Variants in ZNF703 observed in about 807,000 individuals in gnomAD.
The protein encoded by ZNF703 is zinc finger protein 703.
ZNF703 carries 18 observed loss-of-function variants against 30.7 expected under a neutral mutation model. The ratio of observed to expected loss-of-function variants is 0.59; its 90% CI spans 0.40 to 0.87. ZNF703 has a LOEUF of 0.87. Among genes scored for constraint, ZNF703 ranks in the 40% least tolerant of loss-of-function variants. The probability of loss-of-function intolerance (pLI) is 0.00; values close to 1 mark genes in which losing one functional copy is unlikely to be tolerated. For missense variants in ZNF703, 814 were observed against 847.8 expected (o/e 0.96, Z 0.50); for synonymous variants, 457 against 438.6 (o/e 1.04, Z -0.52).
At position 37,695,871 on chromosome 8, in the gene ZNF703, C is replaced by G. The variant is rs539122839; in HGVS notation, c.-109C>G. On this transcript the variant is annotated 5_prime_UTR_variant, in exon 1 of 2. Coordinates refer to ENST00000331569, the MANE Select transcript of ZNF703 (RefSeq NM_025069.3). ...GGGGAGGCGGCGAGGAGGCGCAGCT[C>G]CCGCTGCACCGCGATCGACGCTGCG... 2 of 1,083,384 alleles carry G rather than the reference C, an allele frequency of 1.8e-6. No individual in the cohort carries two copies. The highest frequency in any genetic ancestry group is 6.5e-5 in the East Asian group (2 of 30,976). The allele number at this position is 1,083,384 out of a possible 1,614,324, so 67.1% of individuals were successfully genotyped here. A position where few individuals can be genotyped will look rare whatever the true frequency, so the allele number is the denominator to read the frequency against.
At position 37,697,301 on chromosome 8, in the gene ZNF703, G is replaced by T. The variant is rs1426519307; in HGVS notation, c.400G>T (p.Ala134Ser). The T allele has an allele frequency of 3.2e-6, 5 of 1,563,506 alleles. No individual in the cohort carries two copies. Among genetic ancestry groups the T allele is most frequent in the Non-Finnish European group, 4.3e-6 (5 of 1,156,728 alleles). ...KDPGRSAPGAASAAAALKQLG... is the reference protein window; with the variant it reads ...KDPGRSAPGASSAAAALKQLG... ...CCCCGGCCGCTCAGCCCCGGGCGCC[G>T]CCTCCGCAGCCGCGGCCCTGAAGCA... The change falls in exon 2 of 2, where the codon GCC (alanine) becomes TCC (serine). Residue 134 changes from alanine to serine, a missense_variant. Transcript: ENST00000331569.
In ZNF703 at chr8:37,698,604, G is replaced by C; in HGVS notation, c.1703G>C (p.Gly568Ala). ...GLAVPSLPTA[G>A]PYYSPYALYG... ...GCCGTGCCGTCCCTCCCCACAGCCG[G>C]ACCCTACTATTCGCCATACGCGCTG... The change falls in exon 2 of 2, where the codon GGA (glycine) becomes GCA (alanine). Residue 568 changes from glycine (G) to alanine (A), a missense_variant. Physicochemically the swap from Gly to Ala is moderately conservative, Grantham distance 60. Transcript: ENST00000331569. The C allele has an allele frequency of 6.4e-7, 1 of 1,554,144 alleles. No individual in the cohort carries two copies. The highest frequency in any genetic ancestry group is 8.7e-7 in the Non-Finnish European group (1 of 1,153,506).
Position 37,698,198 on chromosome 8 carries a change from G to A in ZNF703, c.1297G>A (p.Ala433Thr), listed in dbSNP as rs1218622808. ...LQPAALSSSA[A>T]QAALPGHPLY... ...GCCCGCCGCGCTCTCGTCCAGCGCC[G>A]CCCAGGCCGCGCTCCCCGGCCACCC... Residue 433 changes from alanine to threonine, a missense_variant, in exon 2 of 2, where the codon GCC becomes ACC. Physicochemically the swap from Ala to Thr is moderately conservative, Grantham distance 58. Coordinates refer to ENST00000331569, the MANE Select transcript of ZNF703 (RefSeq NM_025069.3). 2.0e-6 allele frequency: 3 copies of A among 1,516,280 alleles called. No individual in the cohort carries two copies. Among genetic ancestry groups the A allele is most frequent in the Non-Finnish European group, 2.6e-6 (3 of 1,138,272 alleles). 93.9% of individuals were successfully genotyped at this position (1,516,280 alleles called of 1,614,324 possible). A position where few individuals can be genotyped will look rare whatever the true frequency, so the allele number is the denominator to read the frequency against.
Position 37,697,281 on chromosome 8 carries a change from G to A in ZNF703, c.380G>A (p.Gly127Asp). 2 of 1,569,318 alleles carry A rather than the reference G, an allele frequency of 1.3e-6. No individual in the cohort carries two copies. Among genetic ancestry groups the A allele is most frequent in the South Asian group, 1.2e-5 (1 of 86,344 alleles). ...ANGLGAEKDP[G>D]RSAPGAASAA... Reference sequence around the variant, plus strand: ...GGGCTGGGAGCGGAGAAGGACCCCGGCCGCTCAGCCCCGGGCGCCGCCTCC... The same window carrying A: ...GGGCTGGGAGCGGAGAAGGACCCCGACCGCTCAGCCCCGGGCGCCGCCTCC... The change falls in exon 2 of 2, where the codon GGC becomes GAC. Residue 127 changes from glycine to aspartate, a missense_variant. Physicochemically the swap from Gly to Asp is moderately conservative, Grantham distance 94. Transcript: ENST00000331569.
In ZNF703 at chr8:37,698,929, C is replaced by A. The variant is rs1025976177; in HGVS notation, c.*255C>A. 1.6e-5 allele frequency: 6 copies of A among 384,590 alleles called. No homozygotes were observed. The highest frequency in any genetic ancestry group is 2.3e-5 in the Non-Finnish European group (5 of 217,948). 23.8% of individuals were successfully genotyped at this position (384,590 alleles called of 1,614,324 possible). On this transcript the variant is annotated 3_prime_UTR_variant, in exon 2 of 2. Coordinates refer to ENST00000331569, the MANE Select transcript of ZNF703 (RefSeq NM_025069.3). ...GTTCTCCCAAATAATAATATTAATCCCACAAATAACGACATGATCCCCGCC... is the reference window on the plus strand; with the variant it reads ...GTTCTCCCAAATAATAATATTAATCACACAAATAACGACATGATCCCCGCC...
rs1802061242 is a variant in ZNF703 at position 37,696,011 on chromosome 8, G to A, written c.32G>A (p.Arg11Lys). The A allele has an allele frequency of 2.0e-6, 3 of 1,521,852 alleles. No individual in the cohort carries two copies. The highest frequency in any genetic ancestry group is 2.7e-6 in the Non-Finnish European group (3 of 1,129,980). The allele number at this position is 1,521,852 out of a possible 1,614,324, so 94.3% of individuals were successfully genotyped here. MSDSPAGSNP[R>K]TPESSGSGSG... ...GATTCGCCCGCTGGATCTAACCCAA[G>A]GACACCCGAAAGCAGCGGCAGCGGC... is the stretch of plus-strand genomic sequence containing the variant. The change falls in exon 1 of 2, where the codon AGG (arginine) becomes AAG (lysine). Residue 11 changes from arginine to lysine, a missense_variant. Transcript: ENST00000331569. The surrounding 1 kb of genome is among the most constrained non-coding windows in gnomAD (Gnocchi z 8.2).
intron 1 of ZNF703, 45 bp from the exon 2 acceptor site, chr8:37,697,100 C>CT: frequency 1.4e-6 from 2 of 1,467,458 alleles, no homozygotes; most frequent in Non-Finnish European, 1.8e-6. Context: ...CCGCAGGCCT[C>CT]TGAGTCTCAC....
In ZNF703 at chr8:37,697,588, T is replaced by A; in HGVS notation, c.687T>A (p.Ser229=). 2 of 1,437,800 alleles carry A rather than the reference T, an allele frequency of 1.4e-6. No individual in the cohort carries two copies. The highest frequency in any genetic ancestry group is 3.8e-4 in the Middle Eastern group (2 of 5,302). The allele number at this position is 1,437,800 out of a possible 1,614,324, so 89.1% of individuals were successfully genotyped here. A position where few individuals can be genotyped will look rare whatever the true frequency, so the allele number is the denominator to read the frequency against. ...CCCGCGGCGGCTCCCCGCACCACTC[T>A]GACTGCAAGAACGGCGGCGGGGTTG... ...GGSRGGSPHH[S]DCKNGGGVGG... Residue 229 remains serine, a synonymous_variant, in exon 2 of 2, where the codon TCT becomes TCA. Transcript: ENST00000331569.
chr8:37,698,029 C>T lies in ZNF703; in HGVS notation c.1128C>T (p.Cys376=). The T allele has an allele frequency of 1.3e-6, 2 of 1,571,572 alleles. No individual in the cohort carries two copies. Among genetic ancestry groups the T allele is most frequent in the Non-Finnish European group, 1.7e-6 (2 of 1,166,362 alleles). ...ASPPSFLQGL[C]RDPYCLGGYH... ...CGCCCTCCTTCCTGCAGGGATTATG[C>T]CGCGACCCCTATTGCTTGGGAGGTT... The change falls in exon 2 of 2, where the codon TGC becomes TGT. Residue 376 remains cysteine, a synonymous_variant. Coordinates refer to ENST00000331569, the MANE Select transcript of ZNF703 (RefSeq NM_025069.3).
chr8:37,696,362 G>A lies in ZNF703; in HGVS notation c.243+140G>A. 1 of 1,366,588 alleles carries A rather than the reference G, an allele frequency of 7.3e-7. No individual in the cohort carries two copies. Among genetic ancestry groups the A allele is most frequent in the Non-Finnish European group, 9.6e-7 (1 of 1,038,588 alleles). 84.7% of individuals were successfully genotyped at this position (1,366,588 alleles called of 1,614,324 possible). On this transcript the variant is annotated intron_variant, in intron 1 of 1. Coordinates refer to ENST00000331569, the MANE Select transcript of ZNF703 (RefSeq NM_025069.3). The surrounding 1 kb of genome is among the most constrained non-coding windows in gnomAD (Gnocchi z 8.2). ...CTGGCGGGCTGAGTGAGGAGGGGAA[G>A]AAAACCGAGGGATCAGAGCCCACCA...
Position 37,697,963 on chromosome 8 carries a change from G to A in ZNF703, c.1062G>A (p.Pro354=). 6 of 1,556,202 alleles carry A rather than the reference G, an allele frequency of 3.9e-6. No homozygotes were observed. The highest frequency in any genetic ancestry group is 4.3e-6 in the Non-Finnish European group (5 of 1,157,840). The change falls in exon 2 of 2, where the codon CCG becomes CCA. Residue 354 remains proline (P), a synonymous_variant. Coordinates refer to ENST00000331569, the MANE Select transcript of ZNF703 (RefSeq NM_025069.3). ...GQLSGGLGLP[P]GKPPSSSPLT... is the part of the protein sequence containing the mutation. ...TGTCTGGGGGCCTGGGCCTGCCGCCGGGCAAGCCCCCCAGCTCCAGCCCGC... is the reference window on the plus strand; with the variant it reads ...TGTCTGGGGGCCTGGGCCTGCCGCCAGGCAAGCCCCCCAGCTCCAGCCCGC...
rs557410822 is a variant in ZNF703 at position 37,697,452 on chromosome 8, C to T, written c.551C>T (p.Ser184Leu). The change falls in exon 2 of 2, where the codon TCG (serine) becomes TTG (leucine). Residue 184 changes from serine (S) to leucine (L), a missense_variant. Coordinates refer to ENST00000331569, the MANE Select transcript of ZNF703 (RefSeq NM_025069.3). ...SVSSTSSSSS[S>L]SPGDKAGFRV... ...TCTTCCACCTCCTCCTCGTCCTCCT[C>T]GTCCCCGGGAGACAAGGCGGGCTTC... 41 of 1,541,932 alleles carry T rather than the reference C, an allele frequency of 2.7e-5. No homozygotes were observed. In the Middle Eastern group the frequency reaches 5.0e-4, roughly 19 times the overall value.
chr8:37,696,009 A>T lies in ZNF703; in HGVS notation c.30A>T (p.Pro10=). 7.0e-7 allele frequency: 1 copy of T among 1,419,458 alleles called. No homozygotes were observed. Among genetic ancestry groups the T allele is most frequent in the South Asian group, 1.2e-5 (1 of 82,050 alleles). 87.9% of individuals were successfully genotyped at this position (1,419,458 alleles called of 1,614,324 possible). MSDSPAGSN[P]RTPESSGSGS... is the part of the protein sequence containing the mutation. ...GCGATTCGCCCGCTGGATCTAACCCAAGGACACCCGAAAGCAGCGGCAGCG... is the reference window on the plus strand; with the variant it reads ...GCGATTCGCCCGCTGGATCTAACCCTAGGACACCCGAAAGCAGCGGCAGCG... Residue 10 remains proline (P), a synonymous_variant, in exon 1 of 2, where the codon CCA becomes CCT. Coordinates refer to ENST00000331569, the MANE Select transcript of ZNF703 (RefSeq NM_025069.3). This position sits in a 1 kb window ranked among gnomAD's most constrained non-coding sequence, Gnocchi z 8.2.
At position 37,698,477 on chromosome 8, in the gene ZNF703, C is replaced by G; in HGVS notation, c.1576C>G (p.Pro526Ala). The G allele has an allele frequency of 6.6e-7, 1 of 1,522,846 alleles. No individual in the cohort carries two copies. Among genetic ancestry groups the G allele is most frequent in the East Asian group, 2.7e-5 (1 of 36,364 alleles). 94.3% of individuals were successfully genotyped at this position (1,522,846 alleles called of 1,614,324 possible). The change falls in exon 2 of 2, where the codon CCC becomes GCC. Residue 526 changes from proline (P) to alanine (A), a missense_variant. Physicochemically the swap from Pro to Ala is conservative, Grantham distance 27. Transcript: ENST00000331569. ...CHLHLPPPAAPGSPGSLSLRN... is the reference protein window; with the variant it reads ...CHLHLPPPAAAGSPGSLSLRN... The stretch of plus-strand genomic sequence containing the variant: ...TCTGCACCTCCCCCCGCCCGCCGCC[C>G]CCGGCAGCCCCGGGTCGCTGTCCTT...
At position 37,696,216 on chromosome 8, in the gene ZNF703, C is replaced by T; in HGVS notation, c.237C>T (p.Pro79=). 1 of 1,606,150 alleles carries T rather than the reference C, an allele frequency of 6.2e-7. No homozygotes were observed. Among genetic ancestry groups the T allele is most frequent in the Non-Finnish European group, 8.5e-7 (1 of 1,176,890 alleles). The change falls in exon 1 of 2, where the codon CCC becomes CCT. Residue 79 remains proline, a synonymous_variant. Coordinates refer to ENST00000331569, the MANE Select transcript of ZNF703 (RefSeq NM_025069.3). This position sits in a 1 kb window ranked among gnomAD's most constrained non-coding sequence, Gnocchi z 8.2. Reference sequence around the variant, plus strand: ...CGCTGTCCTCCACTCCCGTCAGCCCCATTGAGGTCAGTCCCCGGCCGCTGC... The same window carrying T: ...CGCTGTCCTCCACTCCCGTCAGCCCTATTGAGGTCAGTCCCCGGCCGCTGC... The part of the protein sequence containing the change: ...LQPLSSTPVS[P]IELDAKKSPL...
chr8:37,696,276 C>A lies in ZNF703; in HGVS notation c.243+54C>A. On this transcript the variant is annotated intron_variant, in intron 1 of 1. Coordinates refer to ENST00000331569, the MANE Select transcript of ZNF703 (RefSeq NM_025069.3). The surrounding 1 kb of genome is among the most constrained non-coding windows in gnomAD (Gnocchi z 8.2). Reference sequence around the variant, plus strand: ...CCGGCCCCATTCCTCCCACCGCGACCGGGACCCTGACCCAGCTCCCAGCGC... The same window carrying A: ...CCGGCCCCATTCCTCCCACCGCGACAGGGACCCTGACCCAGCTCCCAGCGC... 4 of 1,521,456 alleles carry A rather than the reference C, an allele frequency of 2.6e-6. No individual in the cohort carries two copies. Among genetic ancestry groups the A allele is most frequent in the Non-Finnish European group, 3.5e-6 (4 of 1,131,786 alleles). The allele number at this position is 1,521,456 out of a possible 1,614,324, so 94.2% of individuals were successfully genotyped here.
At position 37,698,116 on chromosome 8, in the gene ZNF703, C is replaced by G. The variant is rs774360079; in HGVS notation, c.1215C>G (p.Ala405=). 6.5e-7 allele frequency: 1 copy of G among 1,532,000 alleles called. No homozygotes were observed. Among genetic ancestry groups the G allele is most frequent in the Non-Finnish European group, 8.7e-7 (1 of 1,145,356 alleles). 94.9% of individuals were successfully genotyped at this position (1,532,000 alleles called of 1,614,324 possible). The change falls in exon 2 of 2, where the codon GCC becomes GCG. Residue 405 remains alanine (A), a synonymous_variant. Transcript: ENST00000331569. ...CCACCTGCAGCGCGCACGACCCTGCCGGGCCCAGCCTGAAGGCGGGGGGCT... is the reference window on the plus strand; with the variant it reads ...CCACCTGCAGCGCGCACGACCCTGCGGGGCCCAGCCTGAAGGCGGGGGGCT... ...SCSTCSAHDP[A]GPSLKAGGYP...
In ZNF703 at chr8:37,697,931, G is replaced by T. The variant is rs769758323; in HGVS notation, c.1030G>T (p.Gly344Cys). The change falls in exon 2 of 2, where the codon GGC (glycine) becomes TGC (cysteine). Residue 344 changes from glycine to cysteine, a missense_variant. Transcript: ENST00000331569. Reference sequence around the variant, plus strand: ...TCCTAGCAAGTCCGGCCTCGTGGGAGGCCAGCTGTCTGGGGGCCTGGGCCT... The same window carrying T: ...TCCTAGCAAGTCCGGCCTCGTGGGATGCCAGCTGTCTGGGGGCCTGGGCCT... Reference protein sequence around the residue: ...LDPSKSGLVGGQLSGGLGLPP... With the variant: ...LDPSKSGLVGCQLSGGLGLPP... 2.6e-6 allele frequency: 4 copies of T among 1,556,736 alleles called. No homozygotes were observed. The highest frequency in any genetic ancestry group is 3.5e-6 in the Non-Finnish European group (4 of 1,157,688).
chr8:37,698,529 G>C lies in ZNF703; in HGVS notation c.1628G>C (p.Ser543Thr). 6.4e-7 allele frequency: 1 copy of C among 1,574,102 alleles called. No individual in the cohort carries two copies. The highest frequency in any genetic ancestry group is 8.6e-7 in the Non-Finnish European group (1 of 1,163,710). The change falls in exon 2 of 2, where the codon AGC becomes ACC. Residue 543 changes from serine (S) to threonine (T), a missense_variant. Physicochemically the swap from Ser to Thr is moderately conservative, Grantham distance 58. Transcript: ENST00000331569. ...SLRNPHTLGL[S>T]RYHPYGKSHL... ...CGGAATCCACACACTTTGGGCCTAA[G>C]CCGGTACCACCCCTATGGCAAGAGC...
Sources: gnomAD v4.1 joint callset for allele counts on GRCh38, gnomAD v4.1.1 for gene constraint, Gnocchi (gnomAD v3.1) non-coding constraint, MANE v1.5 for transcripts, NCBI Gene and HGNC (gene_info 2026-07-23, HGNC 2026-07-21) for gene names.